Variants in SRGAP1 observed in about 807,000 individuals in gnomAD.
The protein encoded by SRGAP1 is SLIT-ROBO Rho GTPase-activating protein 1.
SRGAP1 carries 43 observed loss-of-function variants against 121.9 expected under a neutral mutation model. The observed-to-expected ratio is 0.35, with a 90% confidence interval of 0.28 to 0.46. The LOEUF (loss-of-function observed/expected upper bound fraction) is 0.46. Among genes scored for constraint, SRGAP1 ranks in the 20% least tolerant of loss-of-function variants. The probability of loss-of-function intolerance (pLI) is 1.00; values close to 1 mark genes in which losing one functional copy is unlikely to be tolerated. For missense variants in SRGAP1, 1,102 were observed against 1,350.9 expected (o/e 0.82, Z 2.89); for synonymous variants, 447 against 485.4 (o/e 0.92, Z 1.04).
chr12:64,032,597 A>G, intron 4 of SRGAP1: 2 of 590,174 alleles, frequency 3.4e-6, no homozygotes, highest in South Asian at 2.3e-5. Context: ...CCTGCCCCCG[A>G]CAGCTGACAA....
At chr12:63,928,346 A>G (rs1013251830) in intron 1 of SRGAP1, among the ~76,000 whole-genome samples, 3 of 152,184 alleles carry the variant, frequency 2.0e-5, no homozygotes, top group Admixed American at 2.0e-4. Context: ...AGAAATGAAA[A>G]CATATATCCT....
Position 64,080,282 on chromosome 12 carries a change from G to A in SRGAP1, c.1324-4G>A. ...GATTTAAAAATTATTCTTGCCTTTT[G>A]CAGAAACTCAGAGAATATTTGGAAG... On this transcript the variant is annotated splice_polypyrimidine_tract_variant and splice_region_variant and intron_variant, in intron 9 of 21. Coordinates refer to ENST00000355086, the MANE Select transcript of SRGAP1 (RefSeq NM_020762.4). 3 of 1,595,506 alleles carry A rather than the reference G, an allele frequency of 1.9e-6. No individual in the cohort carries two copies. The South Asian group carries it at 3.5e-5, about 18-fold the overall frequency.
intron 1 of SRGAP1, among the ~76,000 whole-genome samples, chr12:63,899,228 A>ACAAAAAATACG (rs1900850556): frequency 6.6e-6 from 1 of 152,050 alleles, no homozygotes; most frequent in African/African-American, 2.4e-5. Flanking sequence ...CAAAAAATAC[A>ACAAAAAATACG]AAAATTAGCT....
At chr12:63,889,534 T>C (rs889727792) in intron 1 of SRGAP1, among the ~76,000 whole-genome samples, 1 of 152,206 alleles carries the variant, frequency 6.6e-6, no homozygotes, top group Non-Finnish European at 1.5e-5. Context: ...TAGACTTTTC[T>C]ACAATGCCGT....
chr12:64,125,953 T>G, intron 18 of SRGAP1, 24 bp from the exon 19 acceptor site: 1 of 1,607,692 alleles, frequency 6.2e-7, no homozygotes. Context: ...TGTTTCTCGC[T>G]GTTTTCTGGT....
intron 1 of SRGAP1, among the ~76,000 whole-genome samples, chr12:63,979,327 C>T (rs1390588769): frequency 1.3e-5 from 2 of 152,032 alleles, no homozygotes; most frequent in Admixed American, 6.6e-5. Flanking sequence ...CGTGAGCCAC[C>T]GCACCCAGCC....
chr12:63,942,837 G>A (rs2031914768), intron 1 of SRGAP1, among the ~76,000 whole-genome samples: 1 of 152,090 alleles, frequency 6.6e-6, no homozygotes, highest in Admixed American at 6.6e-5. Context: ...ATCGTTCTTA[G>A]CACAATGCTT....
At position 64,078,485 on chromosome 12, in the gene SRGAP1, G is replaced by A. The variant is rs77816417; in HGVS notation, c.1126-434G>A. On this transcript the variant is annotated intron_variant, in intron 8 of 21. Coordinates refer to ENST00000355086, the MANE Select transcript of SRGAP1 (RefSeq NM_020762.4). ...GTTAATGGAGAAGGAGAGGGTATAG[G>A]TGTATGGTAATTGGGAGAGGCACAA... 5.4e-3 allele frequency among the ~76,000 whole-genome samples: 817 copies of A among 152,304 alleles called. 6 individuals carry two copies. The highest frequency in any genetic ancestry group is 0.01 in the Middle Eastern group (3 of 294).
intron 6 of SRGAP1, 126 bp downstream of exon 6, chr12:64,043,701 A>G (rs1444107700): frequency 1.4e-6 from 1 of 693,326 alleles, no homozygotes; most frequent in Admixed American, 3.6e-5. Context: ...AAAGAAAAAA[A>G]TACTTTTATT....
chr12:63,991,122 C>T (rs979805451), intron 3 of SRGAP1, among the ~76,000 whole-genome samples: 7 of 152,188 alleles, frequency 4.6e-5, no homozygotes, highest in African/African-American at 7.2e-5. Flanking sequence ...TTGCCCAGTA[C>T]GACTAGCGTT....
chr12:63,949,087 C>CCATATATGTATTTTCCATATGTATACATT (rs2032178333), intron 1 of SRGAP1, among the ~76,000 whole-genome samples: 1 of 90,832 alleles, frequency 1.1e-5, no homozygotes, highest in Non-Finnish European at 2.3e-5. Flanking sequence ...TATGTATTTT[C>CCATATATGTATTTTCCATATGTATACATT]CATATATGTA....
At chr12:64,136,812 T>C (rs1339549996) in intron 21 of SRGAP1, among the ~76,000 whole-genome samples, 1 of 152,234 alleles carries the variant, frequency 6.6e-6, no homozygotes, top group Non-Finnish European at 1.5e-5. Context: ...TAGCTGAATT[T>C]AATGATTTGA....
At chr12:64,020,948 A>C (rs1286689089) in intron 4 of SRGAP1, among the ~76,000 whole-genome samples, 1 of 46,540 alleles carries the variant, frequency 2.1e-5, no homozygotes, top group Non-Finnish European at 5.8e-5. Context: ...TCTGTCTCAC[A>C]AAAAAAAAAA....
chr12:63,990,527 G>T (rs112719064), intron 3 of SRGAP1, among the ~76,000 whole-genome samples: 28 of 152,128 alleles, frequency 1.8e-4, no homozygotes, highest in African/African-American at 6.3e-4. Flanking sequence ...GTGAGACTCC[G>T]ACTCAAACAA....
At chr12:64,138,551 C>G (rs2036899709) in intron 21 of SRGAP1, among the ~76,000 whole-genome samples, 1 of 149,848 alleles carries the variant, frequency 6.7e-6, no homozygotes, top group Non-Finnish European at 1.5e-5. Context: ...ACCTCCATCT[C>G]CTGGGTTCAA....
At chr12:63,937,781 C>T (rs554328571) in intron 1 of SRGAP1, among the ~76,000 whole-genome samples, 170 of 152,320 alleles carry the variant, frequency 1.1e-3, no homozygotes, top group South Asian at 2.7e-3. Context: ...ACTAATAAAA[C>T]GGGTGCACTC....
At position 64,150,838 on chromosome 12, in the gene SRGAP1, G is replaced by A. The variant is rs1397719409; in HGVS notation, c.*8166G>A. On this transcript the variant is annotated 3_prime_UTR_variant, in exon 22 of 22. Transcript: ENST00000355086. The stretch of plus-strand genomic sequence containing the variant: ...TAGTACTAGGTACTTGGGAGGCTGA[G>A]GCAGGAAGATTGCTTGAGCCCAGAT... 6.7e-6 allele frequency: 1 copy of A among 149,412 alleles called. No homozygotes were observed. The highest frequency in any genetic ancestry group is 1.5e-5 in the Non-Finnish European group (1 of 67,572). 9.3% of individuals were successfully genotyped at this position (149,412 alleles called of 1,614,324 possible).
At chr12:64,021,812 CAT>C (rs1286062101) in intron 4 of SRGAP1, among the ~76,000 whole-genome samples, 1 of 152,144 alleles carries the variant, frequency 6.6e-6, no homozygotes, top group Non-Finnish European at 1.5e-5. Context: ...ACTTCTTAGA[CAT>C]GTGTATTTAA....
At chr12:63,995,287 A>G (rs1288909051) in intron 3 of SRGAP1, among the ~76,000 whole-genome samples, 12 of 152,208 alleles carry the variant, frequency 7.9e-5, no homozygotes, top group African/African-American at 4.8e-5. Context: ...AGTTTTAGCT[A>G]TGTGCCAAGC....
Sources: gnomAD v4.1 joint callset for allele counts (sites outside exome capture counted in the v4.1 genomes callset) on GRCh38, gnomAD v4.1.1 for gene constraint, MANE v1.5 for transcripts, NCBI Gene and HGNC (gene_info 2026-07-23, HGNC 2026-07-21) for gene names.